Variants in SLC9B1 observed in about 807,000 individuals in gnomAD.
SLC9B1 encodes solute carrier family 9 member B1.
Under a neutral mutation model 51.7 loss-of-function variants are expected in SLC9B1, and 32 were observed. The ratio of observed to expected loss-of-function variants is 0.62; its 90% CI spans 0.47 to 0.83. The LOEUF (loss-of-function observed/expected upper bound fraction) is 0.83. SLC9B1 is among the 40% of genes least tolerant of loss of function. The probability of loss-of-function intolerance (pLI) is 0.00; values close to 1 mark genes in which losing one functional copy is unlikely to be tolerated. For synonymous variants in SLC9B1, 145 were observed against 212.7 expected (o/e 0.68, Z 2.77); for missense variants, 406 against 613.2 (o/e 0.66, Z 3.57).
chr4:102,924,472 A>G (rs2110448560), intron 7 of SLC9B1, among the ~76,000 whole-genome samples: 1 of 152,354 alleles, frequency 6.6e-6, no homozygotes, highest in South Asian at 2.1e-4. Context: ...ATACCTAGGC[A>G]ATACCATTCA....
intron 1 of SLC9B1, among the ~76,000 whole-genome samples, chr4:102,999,172 T>C (rs1392685832): frequency 6.6e-6 from 1 of 152,236 alleles, no homozygotes; most frequent in Non-Finnish European, 1.5e-5. Context: ...TTTCCGTTGC[T>C]GAGTTGTAGG....
intron 3 of SLC9B1, among the ~76,000 whole-genome samples, chr4:102,987,877 G>A (rs1739727808): frequency 6.6e-6 from 1 of 152,088 alleles, no homozygotes; most frequent in Non-Finnish European, 1.5e-5. Flanking sequence ...TTGGGCAGCA[G>A]TTTGCCCTGT....
At chr4:102,962,975 G>A in intron 3 of SLC9B1, 1 of 461,742 alleles carries the variant, frequency 2.2e-6, no homozygotes, top group South Asian at 1.5e-5. Flanking sequence ...CATCTTGAAT[G>A]TTGTTGATGA....
chr4:102,894,706 C>T (rs1318555704), intron 11 of SLC9B1, among the ~76,000 whole-genome samples: 3 of 152,190 alleles, frequency 2.0e-5, no homozygotes, highest in Non-Finnish European at 4.4e-5. Context: ...CCTGTAATCT[C>T]AGCACTTTGG....
At chr4:102,942,555 A>G (rs919045438) in intron 6 of SLC9B1, among the ~76,000 whole-genome samples, 1 of 152,154 alleles carries the variant, frequency 6.6e-6, no homozygotes, top group African/African-American at 2.4e-5. Flanking sequence ...TTAACAAAGG[A>G]AACAAAAACA....
intron 7 of SLC9B1, among the ~76,000 whole-genome samples, chr4:102,919,125 T>C (rs1560926738): frequency 6.6e-6 from 1 of 152,212 alleles, no homozygotes; most frequent in Non-Finnish European, 1.5e-5. Flanking sequence ...GAGGGGCTGT[T>C]GTGAAGAACT....
At position 103,002,472 on chromosome 4, in the gene SLC9B1, G is replaced by T. The variant is rs532163737; in HGVS notation, c.-1-10760C>A. On this transcript the variant is annotated intron_variant, in intron 1 of 11. Transcript: ENST00000296422. ...GCTGTAATAACTTAAATCTATAAAA[G>T]ATTAAATGATCTACCAAGAAAAGAG... Among the ~76,000 whole-genome samples the T allele has an allele frequency of 9.2e-5, 14 of 152,082 alleles. No individual in the cohort carries two copies. The South Asian group carries it at 2.9e-3, about 32-fold the overall frequency.
Position 103,010,114 on chromosome 4 carries a change from A to G in SLC9B1, c.-2+9485T>C, listed in dbSNP as rs189383170. On this transcript the variant is annotated intron_variant, in intron 1 of 11. Coordinates refer to ENST00000296422, the MANE Select transcript of SLC9B1 (RefSeq NM_139173.4). ...GGTGCCTAGATCTTGTTGCCACAAT[A>G]AAGTGACACGGTGTCTGTCTTAGGT... is the stretch of plus-strand genomic sequence containing the variant. Among the ~76,000 whole-genome samples the G allele has an allele frequency of 2.6e-4, 39 of 152,358 alleles. No homozygotes were observed. In the East Asian group the frequency reaches 3.9e-3, roughly 15 times the overall value.
exon 12 of SLC9B1, chr4:102,885,127 C>T: frequency 9.3e-7 from 1 of 1,071,698 alleles, no homozygotes; most frequent in Non-Finnish European, 1.4e-6. Context: ...TAAAAAGTAA[C>T]AAAGAATAAG....
chr4:102,998,375 T>C (rs562637516), intron 1 of SLC9B1, among the ~76,000 whole-genome samples: 1 of 152,326 alleles, frequency 6.6e-6, no homozygotes, highest in African/African-American at 2.4e-5. Flanking sequence ...ATTTCCTTCC[T>C]TTTTAAAGGC....
At chr4:102,988,646 G>A (rs949400208) in intron 3 of SLC9B1, among the ~76,000 whole-genome samples, 1 of 152,038 alleles carries the variant, frequency 6.6e-6, no homozygotes, top group Non-Finnish European at 1.5e-5. Flanking sequence ...TGTTGAGAGA[G>A]AGGGACAAAC....
intron 3 of SLC9B1, among the ~76,000 whole-genome samples, chr4:102,966,146 G>C (rs1578386998): frequency 1.3e-5 from 2 of 152,336 alleles, no homozygotes; most frequent in East Asian, 3.9e-4. Flanking sequence ...TGGAGTCCCA[G>C]TGGTGGTCCA....
intron 6 of SLC9B1, among the ~76,000 whole-genome samples, chr4:102,933,912 C>A (rs1288123346): frequency 6.6e-6 from 1 of 152,008 alleles, no homozygotes; most frequent in Non-Finnish European, 1.5e-5. Context: ...TCAATTTTAC[C>A]ATCGCCCAAC....
intron 7 of SLC9B1, among the ~76,000 whole-genome samples, chr4:102,923,889 T>G (rs546768512): frequency 6.2e-4 from 95 of 152,106 alleles, no homozygotes; most frequent in Admixed American, 2.9e-3. Context: ...ACAAACCACT[T>G]CTCAACGAAA....
intron 7 of SLC9B1, among the ~76,000 whole-genome samples, chr4:102,921,773 A>G (rs1453570296): frequency 1.3e-5 from 2 of 152,220 alleles, no homozygotes; most frequent in Admixed American, 6.5e-5. Flanking sequence ...AGTCTCTGAT[A>G]AAACAGACTT....
At position 102,968,055 on chromosome 4, in the gene SLC9B1, CTA is replaced by C. The variant is rs1294083745; in HGVS notation, c.212-18630_212-18629del. ...ACCTAGAATAGCCAAAAAAATCTTG[CTA>C]AGTAAGAATGAAGTTAGAGTACTTA... On this transcript the variant is annotated intron_variant, in intron 3 of 11. Transcript: ENST00000296422. Among the ~76,000 whole-genome samples the C allele has an allele frequency of 5.3e-5, 8 of 152,174 alleles. No homozygotes were observed. The East Asian group carries it at 1.5e-3, about 29-fold the overall frequency.
intron 3 of SLC9B1, among the ~76,000 whole-genome samples, chr4:102,986,362 T>C (rs1370286564): frequency 6.6e-6 from 1 of 152,114 alleles, no homozygotes; most frequent in Admixed American, 6.5e-5. Context: ...TTTGCTCTTT[T>C]ATGGGTAGTT....
chr4:102,906,019 T>C (rs1735026712), intron 10 of SLC9B1, among the ~76,000 whole-genome samples: 1 of 152,160 alleles, frequency 6.6e-6, no homozygotes, highest in Non-Finnish European at 1.5e-5. Context: ...CACTGCAACT[T>C]CCGACTCCCG....
At chr4:102,916,616 A>G (rs1735589718) in intron 7 of SLC9B1, among the ~76,000 whole-genome samples, 1 of 152,230 alleles carries the variant, frequency 6.6e-6, no homozygotes, top group Non-Finnish European at 1.5e-5. Context: ...ACTTCACCCA[A>G]TAATAGCAAA....
Sources: allele counts gnomAD v4.1 joint callset (sites outside exome capture counted in the v4.1 genomes callset), GRCh38; gene constraint gnomAD v4.1.1; transcripts MANE v1.5; gene names NCBI Gene and HGNC (gene_info 2026-07-23, HGNC 2026-07-21).